IP6K1: variants seen among roughly 807,000 people sequenced by gnomAD.
IP6K1 encodes the protein inositol hexakisphosphate kinase 1, also known as ATP:1D-myo-inositol-hexakisphosphate phosphotransferase.
In IP6K1, 13 loss-of-function variants were observed where a neutral mutation model predicts 38.3. The ratio of observed to expected loss-of-function variants is 0.34; its 90% CI spans 0.22 to 0.54. IP6K1 has a LOEUF of 0.54. Among genes scored for constraint, IP6K1 ranks in the 20% least tolerant of loss-of-function variants. The probability of loss-of-function intolerance (pLI) is 0.92; values close to 1 mark genes in which losing one functional copy is unlikely to be tolerated. For synonymous variants in IP6K1, 212 were observed against 229.9 expected, an observed-to-expected ratio of 0.92 and a Z score of 0.70; for missense variants, 397 against 599.8, an observed-to-expected ratio of 0.66 and a Z score of 3.53.
intron 3 of IP6K1, among the ~76,000 whole-genome samples, chr3:49,736,429 G>A (rs1255477944): frequency 3.3e-5 from 5 of 152,014 alleles, no homozygotes; most frequent in African/African-American, 1.2e-4. Context: ...TCTCTCTATA[G>A]ATTTGCCTGA....
intron 3 of IP6K1, among the ~76,000 whole-genome samples, chr3:49,736,256 G>A (rs2080610981): frequency 6.6e-6 from 1 of 151,982 alleles, no homozygotes; most frequent in South Asian, 2.1e-4. Flanking sequence ...ACAATTCTGT[G>A]GTTTTTTAGT....
chr3:49,779,373 G>T (rs1258602879), intron 1 of IP6K1, among the ~76,000 whole-genome samples: 1 of 152,166 alleles, frequency 6.6e-6, no homozygotes, highest in African/African-American at 2.4e-5. Context: ...TCAGTTGATG[G>T]ACATTTGGGT....
At chr3:49,734,454 A>G (rs1009933312) in intron 3 of IP6K1, among the ~76,000 whole-genome samples, 3 of 141,612 alleles carry the variant, frequency 2.1e-5, no homozygotes, top group Admixed American at 7.5e-5. Flanking sequence ...AGCAACTTCA[A>G]ATGCCACTCT....
At chr3:49,754,134 A>C (rs1217112182) in intron 1 of IP6K1, among the ~76,000 whole-genome samples, 2 of 152,192 alleles carry the variant, frequency 1.3e-5, no homozygotes, top group Non-Finnish European at 2.9e-5. Context: ...TGGGTGGCCA[A>C]GGCTGGAGGA....
chr3:49,758,915 C>G (rs1340336424), intron 1 of IP6K1, among the ~76,000 whole-genome samples: 1 of 151,606 alleles, frequency 6.6e-6, no homozygotes, highest in Non-Finnish European at 1.5e-5. Flanking sequence ...GAGCCAAGAT[C>G]CAGCCTGGAT....
chr3:49,750,928 T>G (rs1273584455), intron 1 of IP6K1, among the ~76,000 whole-genome samples: 1 of 152,210 alleles, frequency 6.6e-6, no homozygotes, highest in Non-Finnish European at 1.5e-5. Flanking sequence ...TTGATGGTAC[T>G]TTCTTAATAA....
Position 49,730,944 on chromosome 3 carries a change from G to T in IP6K1, c.616+1847C>A, listed in dbSNP as rs2080556552. On this transcript the variant is annotated intron_variant, in intron 4 of 5. Transcript: ENST00000321599. ...GGCTGGTCTCAAACTCCCAACCTCAGGTGATCTGCCGGCCTCGGCCTCCCA... is the reference window on the plus strand; with the variant it reads ...GGCTGGTCTCAAACTCCCAACCTCATGTGATCTGCCGGCCTCGGCCTCCCA... 1.3e-5 allele frequency among the ~76,000 whole-genome samples: 2 copies of T among 152,010 alleles called. 1 individual carries two copies. Among genetic ancestry groups the T allele is most frequent in the South Asian group, 4.1e-4 (2 of 4,826 alleles).
chr3:49,763,941 G>C (rs1182096986), intron 1 of IP6K1, among the ~76,000 whole-genome samples: 1 of 151,944 alleles, frequency 6.6e-6, no homozygotes, highest in African/African-American at 2.4e-5. Flanking sequence ...AGAATTGCTG[G>C]AACCCGGGAG....
At position 49,748,008 on chromosome 3, in the gene IP6K1, C is replaced by T. The variant is rs1055937877; in HGVS notation, c.33G>A (p.Gln11=). 3 of 1,613,782 alleles carry T rather than the reference C, an allele frequency of 1.9e-6. No individual in the cohort carries two copies. Among genetic ancestry groups the T allele is most frequent in the Non-Finnish European group, 2.5e-6 (3 of 1,180,048 alleles). ...CAGCCCGACTTGCATTCTTGCCATA[C>T]TGCCCCACTTCCATGGTTTGACAAA... The part of the protein sequence containing the change: MCVCQTMEVG[Q]YGKNASRAGD... Residue 11 remains glutamine (Q), a synonymous_variant, in exon 2 of 6, where the codon CAG becomes CAA. Transcript: ENST00000321599.
chr3:49,773,180 C>T lies in IP6K1; in HGVS notation c.-129+13174G>A, dbSNP rs1475192625. ...TACCAATGAAAAGTAATACTGTAAA[C>T]AGTCAAGTTAATATGCTTAAGGGTC... is the stretch of plus-strand genomic sequence containing the variant. On this transcript the variant is annotated intron_variant, in intron 1 of 5. Transcript: ENST00000321599. Among the ~76,000 whole-genome samples, 4 of 152,124 alleles carry T rather than the reference C, an allele frequency of 2.6e-5. No individual in the cohort carries two copies. The East Asian group carries it at 7.7e-4, about 29-fold the overall frequency.
intron 1 of IP6K1, among the ~76,000 whole-genome samples, chr3:49,783,408 C>T (rs1214370035): frequency 6.7e-6 from 1 of 149,982 alleles, no homozygotes; most frequent in Admixed American, 6.6e-5. Flanking sequence ...GGGCTTGGGA[C>T]AATTTTGAAA....
intron 1 of IP6K1, among the ~76,000 whole-genome samples, chr3:49,769,122 T>C (rs1575324684): frequency 6.6e-6 from 1 of 152,252 alleles, no homozygotes; most frequent in Non-Finnish European, 1.5e-5. Flanking sequence ...AAAGAAGGCA[T>C]AAATCAAGAA....
At chr3:49,742,192 A>G (rs1233823039) in intron 2 of IP6K1, among the ~76,000 whole-genome samples, 1 of 152,244 alleles carries the variant, frequency 6.6e-6, no homozygotes, top group Non-Finnish European at 1.5e-5. Flanking sequence ...CAAAAGTACA[A>G]TTCAATTAAA....
Position 49,725,240 on chromosome 3 carries a change from G to C in IP6K1, c.*1882C>G, listed in dbSNP as rs913742187. The stretch of plus-strand genomic sequence containing the variant: ...CTCCTCCCAGAATCGAGGAATCTGG[G>C]AGGCACAGGACATCCCCAAAAGGTC... On this transcript the variant is annotated 3_prime_UTR_variant, in exon 6 of 6. Transcript: ENST00000321599. 1.3e-5 allele frequency: 2 copies of C among 152,648 alleles called. No homozygotes were observed. Among genetic ancestry groups the C allele is most frequent in the African/African-American group, 4.8e-5 (2 of 41,438 alleles). 9.5% of individuals were successfully genotyped at this position (152,648 alleles called of 1,614,324 possible). A position where few individuals can be genotyped will look rare whatever the true frequency, so the allele number is the denominator to read the frequency against.
At chr3:49,739,129 TGAG>T (rs2080642571) in intron 2 of IP6K1, among the ~76,000 whole-genome samples, 2 of 152,094 alleles carry the variant, frequency 1.3e-5, no homozygotes, top group South Asian at 2.1e-4. Flanking sequence ...TCCAGAAACT[TGAG>T]GAGGAGGTTT....
chr3:49,739,841 C>T (rs2080650350), intron 2 of IP6K1, among the ~76,000 whole-genome samples: 1 of 151,774 alleles, frequency 6.6e-6, no homozygotes, highest in African/African-American at 2.4e-5. Flanking sequence ...ATGTCGAAAC[C>T]CCATCTCTAC....
chr3:49,775,646 CA>C (rs2108261887), intron 1 of IP6K1: 1 of 692,942 alleles, frequency 1.4e-6, no homozygotes, highest in East Asian at 3.6e-5. Context: ...CCCACAACAT[CA>C]AGCTGCTGCA....
chr3:49,745,421 G>A (rs1057224839), intron 2 of IP6K1, among the ~76,000 whole-genome samples: 1 of 152,110 alleles, frequency 6.6e-6, no homozygotes, highest in Non-Finnish European at 1.5e-5. Context: ...ACCTCTTTCT[G>A]CCAATTAAGA....
intron 1 of IP6K1, among the ~76,000 whole-genome samples, chr3:49,778,392 G>A (rs1276015453): frequency 6.6e-6 from 1 of 151,870 alleles, no homozygotes; most frequent in Non-Finnish European, 1.5e-5. Flanking sequence ...CGGCATTTTG[G>A]GAGGCCAAGG....
Sources: allele counts gnomAD v4.1 joint callset (sites outside exome capture counted in the v4.1 genomes callset), GRCh38; gene constraint gnomAD v4.1.1; transcripts MANE v1.5; gene names NCBI Gene and HGNC (gene_info 2026-07-23, HGNC 2026-07-21).